SAE1: variants seen among roughly 807,000 people sequenced by gnomAD.
The protein encoded by SAE1 is SUMO-activating enzyme subunit 1.
A neutral mutation model predicts 40.6 loss-of-function variants in SAE1; 11 were observed. That is an observed-to-expected ratio of 0.27 (90% CI 0.17 to 0.45). The LOEUF (loss-of-function observed/expected upper bound fraction) is 0.45, where lower values mean the gene tolerates loss of function less well. SAE1 is among the 20% of genes least tolerant of loss of function. The pLI, the probability that SAE1 is intolerant of heterozygous loss-of-function variation, is 1.00. For synonymous variants in SAE1, 155 were observed against 154.3 expected (o/e 1.00, Z -0.03); for missense variants, 373 against 427.3 (o/e 0.87, Z 1.12).
At chr19:47,170,500 C>T (rs971068777) in intron 6 of SAE1, among the ~76,000 whole-genome samples, 10 of 139,888 alleles carry the variant, frequency 7.1e-5, no homozygotes, top group Non-Finnish European at 1.2e-4. Context: ...CACCGCCCCC[C>T]GCCTTTTTTT....
intron 5 of SAE1, among the ~76,000 whole-genome samples, chr19:47,162,904 A>G (rs1488063308): frequency 6.6e-6 from 1 of 152,032 alleles, no homozygotes; most frequent in African/African-American, 2.4e-5. Flanking sequence ...AGGCGGGAGG[A>G]TTGCCTGAGC....
At chr19:47,183,410 T>C (rs1227831167) in intron 6 of SAE1, among the ~76,000 whole-genome samples, 2 of 152,202 alleles carry the variant, frequency 1.3e-5, no homozygotes, top group African/African-American at 4.8e-5. Context: ...CAGGGCCTTG[T>C]GTTTAAGCAT....
intron 2 of SAE1, among the ~76,000 whole-genome samples, chr19:47,147,085 C>T (rs1600155752): frequency 6.6e-6 from 1 of 151,716 alleles, no homozygotes; most frequent in South Asian, 2.1e-4. Context: ...TGGGGACAGC[C>T]ACACCTAAGA....
intron 1 of SAE1, among the ~76,000 whole-genome samples, chr19:47,137,252 G>A (rs921628262): frequency 2.0e-5 from 3 of 152,046 alleles, no homozygotes; most frequent in Non-Finnish European, 4.4e-5. Flanking sequence ...GCCAGGTGTG[G>A]TGGTGGGTGC....
At chr19:47,148,697 G>A (rs560962672) in intron 2 of SAE1, among the ~76,000 whole-genome samples, 26 of 150,600 alleles carry the variant, frequency 1.7e-4, no homozygotes, top group African/African-American at 5.4e-4. Flanking sequence ...TCAATGCAGC[G>A]TCTGCCTCCC....
At chr19:47,182,464 A>AGTGTGTGT (rs113149127) in intron 6 of SAE1, among the ~76,000 whole-genome samples, 3,553 of 144,380 alleles carry the variant, frequency 0.025, 66 homozygotes, top group East Asian at 0.081. Flanking sequence ...AAAAAAGCGT[A>AGTGTGTGT]GTGTGTGTGT....
At chr19:47,160,862 G>A (rs2058355671) in intron 5 of SAE1, among the ~76,000 whole-genome samples, 1 of 152,140 alleles carries the variant, frequency 6.6e-6, no homozygotes, top group African/African-American at 2.4e-5. Context: ...GAACTACTTG[G>A]TTCAAAGGAG....
intron 5 of SAE1, among the ~76,000 whole-genome samples, chr19:47,157,323 A>G (rs1307569289): frequency 6.6e-6 from 1 of 152,204 alleles, no homozygotes; most frequent in Non-Finnish European, 1.5e-5. Context: ...TTATCTGAAT[A>G]GCTCCGTGAA....
At chr19:47,190,443 G>A (rs1242611330) in intron 6 of SAE1, among the ~76,000 whole-genome samples, 1 of 152,186 alleles carries the variant, frequency 6.6e-6, no homozygotes, top group Non-Finnish European at 1.5e-5. Context: ...TTCTGAGGCT[G>A]CTGCCTGTCA....
chr19:47,176,875 CG>C, intron 6 of SAE1, among the ~76,000 whole-genome samples: 1 of 152,266 alleles, frequency 6.6e-6, no homozygotes, highest in South Asian at 2.1e-4. Context: ...AAACAGTAAG[CG>C]TGAGCTGGTT....
At chr19:47,140,874 A>G (rs551811518) in intron 1 of SAE1, among the ~76,000 whole-genome samples, 1 of 152,026 alleles carries the variant, frequency 6.6e-6, no homozygotes, top group African/African-American at 2.4e-5. Context: ...ATTTTTTTTG[A>G]GACGGAGTCT....
At chr19:47,141,043 G>A (rs1039519754) in intron 1 of SAE1, among the ~76,000 whole-genome samples, 3 of 151,234 alleles carry the variant, frequency 2.0e-5, no homozygotes, top group Non-Finnish European at 4.4e-5. Context: ...ACAGAGTCTC[G>A]CTGTGTCACC....
chr19:47,159,392 C>G (rs754673099), intron 5 of SAE1, among the ~76,000 whole-genome samples: 11 of 152,132 alleles, frequency 7.2e-5, no homozygotes, highest in Non-Finnish European at 1.6e-4. Context: ...CTCTGTCTCC[C>G]CGCTTCCATT....
chr19:47,132,742 G>T (rs2058153956), intron 1 of SAE1, among the ~76,000 whole-genome samples: 1 of 151,972 alleles, frequency 6.6e-6, no homozygotes, highest in Admixed American at 6.6e-5. Flanking sequence ...ACAAAAATTA[G>T]CCAGGCATGG....
intron 6 of SAE1, among the ~76,000 whole-genome samples, chr19:47,174,900 G>A (rs1028426183): frequency 3.4e-4 from 52 of 151,898 alleles, no homozygotes; most frequent in African/African-American, 1.2e-3. Flanking sequence ...GTAGAGACGG[G>A]GTTTCACCAT....
At chr19:47,164,294 G>T (rs907854884) in intron 5 of SAE1, among the ~76,000 whole-genome samples, 6 of 151,756 alleles carry the variant, frequency 4.0e-5, no homozygotes, top group African/African-American at 1.5e-4. Flanking sequence ...TCAGCCTCCC[G>T]AGTAGCTGGG....
intron 2 of SAE1, among the ~76,000 whole-genome samples, chr19:47,148,814 A>C (rs188098693): frequency 6.7e-6 from 1 of 149,698 alleles, no homozygotes; most frequent in East Asian, 1.9e-4. Flanking sequence ...GGGTTTCACC[A>C]TGTTGGTCAG....
chr19:47,172,960 A>G (rs2058444291), intron 6 of SAE1, among the ~76,000 whole-genome samples: 1 of 152,080 alleles, frequency 6.6e-6, no homozygotes, highest in Non-Finnish European at 1.5e-5. Context: ...GTGGCTCAAG[A>G]TCACCCATCT....
chr19:47,155,702 A>G (rs1346099789), intron 5 of SAE1, among the ~76,000 whole-genome samples: 4 of 150,124 alleles, frequency 2.7e-5, no homozygotes, highest in Non-Finnish European at 4.4e-5. Context: ...TCAGCCTCCC[A>G]AAGTGCTGGG....
Sources: gnomAD v4.1 joint callset for allele counts (sites outside exome capture counted in the v4.1 genomes callset) on GRCh38, gnomAD v4.1.1 for gene constraint, MANE v1.5 for transcripts, NCBI Gene and HGNC (gene_info 2026-07-23, HGNC 2026-07-21) for gene names.